IL17RA: variants seen among roughly 807,000 people sequenced by gnomAD.
The protein encoded by IL17RA is interleukin 17 receptor A.
A neutral mutation model predicts 50.4 loss-of-function variants in IL17RA; 34 were observed. The observed-to-expected ratio is 0.67, with a 90% CI of 0.51 to 0.90. IL17RA has a LOEUF of 0.90. Among genes scored for constraint, IL17RA ranks in the 40% least tolerant of loss-of-function variants. IL17RA has a pLI of 0.00. For missense variants in IL17RA, 1,276 were observed against 1,169.8 expected (o/e 1.09, Z -1.32); for synonymous variants, 585 against 510.4 (o/e 1.15, Z -1.97).
Position 17,113,007 on chromosome 22 carries a change from T to G in IL17RA, c.*3187T>G, listed in dbSNP as rs536506632. 137 of 152,000 alleles carry G rather than the reference T, an allele frequency of 9.0e-4. 1 individual carries two copies. The highest frequency in any genetic ancestry group is 3.2e-3 in the African/African-American group (133 of 41,540). The allele number at this position is 152,000 out of a possible 1,614,324, so 9.4% of individuals were successfully genotyped here. A position where few individuals can be genotyped will look rare whatever the true frequency, so the allele number is the denominator to read the frequency against. ...GATCCTAGTTTTTTTTTTGTTTTTT[T>G]TTTTTTTAAGGAATAATTACTTTGA... is the stretch of plus-strand genomic sequence containing the variant. On this transcript the variant is annotated 3_prime_UTR_variant, in exon 13 of 13. Transcript: ENST00000319363.
At position 17,109,928 on chromosome 22, in the gene IL17RA, T is replaced by G. The variant is rs2061433796; in HGVS notation, c.*108T>G. 1 of 1,077,414 alleles carries G rather than the reference T, an allele frequency of 9.3e-7. No homozygotes were observed. Among genetic ancestry groups the G allele is most frequent in the Non-Finnish European group, 1.3e-6 (1 of 751,558 alleles). 66.7% of individuals were successfully genotyped at this position (1,077,414 alleles called of 1,614,324 possible). A position where few individuals can be genotyped will look rare whatever the true frequency, so the allele number is the denominator to read the frequency against. ...CATGTGTATATGTTCGTGTGTGAAA[T>G]GTAGGCTTTAAAATGTAAATGTCTG... On this transcript the variant is annotated 3_prime_UTR_variant, in exon 13 of 13. Coordinates refer to ENST00000319363, the MANE Select transcript of IL17RA (RefSeq NM_014339.7).
chr22:17,112,208 G>A lies in IL17RA; in HGVS notation c.*2388G>A, dbSNP rs2061446135. ...AGGAACCTTGAATTCTAGCTCTGCT[G>A]GCCTTTGAGCCCATGCCAGTAAATG... On this transcript the variant is annotated 3_prime_UTR_variant, in exon 13 of 13. Coordinates refer to ENST00000319363, the MANE Select transcript of IL17RA (RefSeq NM_014339.7). 1 of 152,214 alleles carries A rather than the reference G, an allele frequency of 6.6e-6. No homozygotes were observed. Among genetic ancestry groups the A allele is most frequent in the South Asian group, 2.1e-4 (1 of 4,826 alleles). 9.4% of individuals were successfully genotyped at this position (152,214 alleles called of 1,614,324 possible).
rs1205732513 is a variant in IL17RA, at chr22:17,099,025, C to G, written c.423+138C>G. The G allele has an allele frequency of 9.3e-6, 7 of 749,150 alleles. No individual in the cohort carries two copies. In the Admixed American group the frequency reaches 1.2e-4, roughly 13 times the overall value. The allele number at this position is 749,150 out of a possible 1,614,324, so 46.4% of individuals were successfully genotyped here. The stretch of plus-strand genomic sequence containing the variant: ...GAGTCTGTGGAATTCAGAATGGCAG[C>G]CTGAGATGGGCAGAAGTCAAAAGAG... On this transcript the variant is annotated intron_variant, in intron 4 of 12. Coordinates refer to ENST00000319363, the MANE Select transcript of IL17RA (RefSeq NM_014339.7).
chr22:17,109,673 G>T lies in IL17RA; in HGVS notation c.2454G>T (p.Glu818Asp). ...LTEMEEEEEE[E>D]QDPGKPALPL... ...AAATGGAGGAAGAGGAGGAAGAGGA[G>T]CAGGACCCAGGGAAGCCGGCCCTGC... is the stretch of plus-strand genomic sequence containing the variant. Residue 818 changes from glutamate (E) to aspartate (D), a missense_variant, in exon 13 of 13, where the codon GAG (glutamate) becomes GAT (aspartate). Physicochemically the swap from Glu to Asp is conservative, Grantham distance 45 (BLOSUM62 2). Coordinates refer to ENST00000319363, the MANE Select transcript of IL17RA (RefSeq NM_014339.7). 1 of 1,600,102 alleles carries T rather than the reference G, an allele frequency of 6.2e-7. No individual in the cohort carries two copies. The highest frequency in any genetic ancestry group is 8.5e-7 in the Non-Finnish European group (1 of 1,174,458).
intron 1 of IL17RA, among the ~76,000 whole-genome samples, chr22:17,086,220 C>T (rs184134031): frequency 4.6e-5 from 7 of 152,118 alleles, no homozygotes; most frequent in African/African-American, 7.2e-5. Context: ...GATCTTTCCT[C>T]CCCTCCACCT....
Position 17,098,808 on chromosome 22 carries a change from C to G in IL17RA, c.344C>G (p.Ser115Cys). 7 of 1,614,244 alleles carry G rather than the reference C, an allele frequency of 4.3e-6. No homozygotes were observed. Among genetic ancestry groups the G allele is most frequent in the Non-Finnish European group, 5.9e-6 (7 of 1,180,034 alleles). Reference sequence around the variant, plus strand: ...CTGTACCTCGAGGGTGCAGAGTTATCTGTCCTGCAGCTGAACACCAATGAA... The same window carrying G: ...CTGTACCTCGAGGGTGCAGAGTTATGTGTCCTGCAGCTGAACACCAATGAA... ...SILYLEGAEL[S>C]VLQLNTNERL... The change falls in exon 4 of 13, where the codon TCT becomes TGT. Residue 115 changes from serine to cysteine, a missense_variant. Transcript: ENST00000319363.
Position 17,108,379 on chromosome 22 carries a change from A to T in IL17RA, c.1160A>T (p.Asp387Val), listed in dbSNP as rs1456909210. 2 of 1,613,746 alleles carry T rather than the reference A, an allele frequency of 1.2e-6. No individual in the cohort carries two copies. Among genetic ancestry groups the T allele is most frequent in the East Asian group, 4.5e-5 (2 of 44,874 alleles). The change falls in exon 13 of 13, where the codon GAC becomes GTC. Residue 387 changes from aspartate (D) to valine (V), a missense_variant. Transcript: ENST00000319363. ...AAGGTCTGGATCATCTACTCAGCCGACCACCCCCTCTACGTGGACGTGGTC... is the reference window on the plus strand; with the variant it reads ...AAGGTCTGGATCATCTACTCAGCCGTCCACCCCCTCTACGTGGACGTGGTC... ...PRKVWIIYSA[D>V]HPLYVDVVLK...
chr22:17,086,160 A>C (rs1353148162), intron 1 of IL17RA, among the ~76,000 whole-genome samples: 1 of 151,470 alleles, frequency 6.6e-6, no homozygotes, highest in Non-Finnish European at 1.5e-5. Context: ...AAAGAGCAAA[A>C]CGCCGTGCCC....
At position 17,095,421 on chromosome 22, in the gene IL17RA, G is replaced by C. The variant is rs576893739; in HGVS notation, c.139-1641G>C. ...GCACCACTGGGAATCAACCAAGTGT[G>C]TTGTCAGACCCTTCCACTTTCCTTG... On this transcript the variant is annotated intron_variant, in intron 1 of 12. Transcript: ENST00000319363. Among the ~76,000 whole-genome samples, 112 of 152,290 alleles carry C rather than the reference G, an allele frequency of 7.4e-4. 1 individual carries two copies. Among genetic ancestry groups the C allele is most frequent in the Non-Finnish European group, 1.6e-4 (11 of 68,018 alleles).
rs1482627438 is a variant in IL17RA at position 17,097,807 on chromosome 22, G to A, written c.174G>A (p.Leu58=). The A allele has an allele frequency of 1.9e-6, 3 of 1,614,178 alleles. No individual in the cohort carries two copies. The South Asian group carries it at 3.3e-5, about 18-fold the overall frequency. Residue 58 remains leucine (L), a synonymous_variant, in exon 3 of 13, where the codon CTG becomes CTA. Transcript: ENST00000319363. ...LNCTVKNSTC[L]DDSWIHPRNL... is the part of the protein sequence containing the mutation. ...TTCCCTGGCTGCCAGGTACCTGCCT[G>A]GATGACAGCTGGATTCACCCTCGAA...
chr22:17,085,878 G>A (rs1335760336), intron 1 of IL17RA, among the ~76,000 whole-genome samples: 1 of 152,210 alleles, frequency 6.6e-6, no homozygotes, highest in Admixed American at 6.5e-5. Context: ...CATGTTTCGG[G>A]GAGAGCTCTG....
At chr22:17,091,346 T>G (rs1378137314) in intron 1 of IL17RA, among the ~76,000 whole-genome samples, 1 of 152,242 alleles carries the variant, frequency 6.6e-6, no homozygotes, top group East Asian at 1.9e-4. Flanking sequence ...AAGCATTGCT[T>G]TATTGCCTTC....
chr22:17,085,244 G>T lies in IL17RA; in HGVS notation c.138+15G>T. 4 of 1,538,098 alleles carry T rather than the reference G, an allele frequency of 2.6e-6. 1 individual carries two copies. In the South Asian group the frequency reaches 3.6e-5, roughly 14 times the overall value. ...GCTCCCAGCCGGTGAGACTCGACGT[G>T]GGGAGCGGTAGCCGCCAGGATGCTG... On this transcript the variant is annotated intron_variant, in intron 1 of 12. Coordinates refer to ENST00000319363, the MANE Select transcript of IL17RA (RefSeq NM_014339.7).
chr22:17,097,022 C>G (rs1269396466), intron 1 of IL17RA, 40 bp from the exon 2 acceptor site: 1 of 1,602,462 alleles, frequency 6.2e-7, no homozygotes, highest in East Asian at 2.2e-5. Context: ...TGAATTCAAG[C>G]CTTTTCCCAG....
intron 1 of IL17RA, among the ~76,000 whole-genome samples, chr22:17,089,527 C>T (rs1467877095): frequency 6.6e-6 from 1 of 152,112 alleles, no homozygotes; most frequent in Non-Finnish European, 1.5e-5. Flanking sequence ...CTGCAAGATG[C>T]CTCACGTAAT....
chr22:17,092,050 C>T (rs1329931946), intron 1 of IL17RA, among the ~76,000 whole-genome samples: 2 of 152,216 alleles, frequency 1.3e-5, no homozygotes, highest in South Asian at 2.1e-4. Context: ...AGGGCTGGGA[C>T]GTTTAGCCCC....
rs754755249 is a variant in IL17RA at position 17,098,827 on chromosome 22, C to G, written c.363C>G (p.Thr121=). 6.2e-7 allele frequency: 1 copy of G among 1,614,228 alleles called. No individual in the cohort carries two copies. Among genetic ancestry groups the G allele is most frequent in the South Asian group, 1.1e-5 (1 of 91,088 alleles). Residue 121 remains threonine (T), a synonymous_variant, in exon 4 of 13, where the codon ACC becomes ACG. Coordinates refer to ENST00000319363, the MANE Select transcript of IL17RA (RefSeq NM_014339.7). ...GAELSVLQLN[T]NERLCVRFEF... The stretch of plus-strand genomic sequence containing the variant: ...AGTTATCTGTCCTGCAGCTGAACAC[C>G]AATGAACGTTTGTGCGTCAGGTTTG...
Position 17,103,812 on chromosome 22 carries a change from G to A in IL17RA, c.846+235G>A, listed in dbSNP as rs573866632. ...AGTGGTGTGGACGGGAGTGGGGAGC[G>A]TGCACAGGTGGAGAGAGTGGTGTGG... On this transcript the variant is annotated intron_variant, in intron 8 of 12. Transcript: ENST00000319363. 4.0e-3 allele frequency among the ~76,000 whole-genome samples: 576 copies of A among 144,948 alleles called. 2 individuals carry two copies. The highest frequency in any genetic ancestry group is 0.014 in the African/African-American group (540 of 38,866).
intron 5 of IL17RA, among the ~76,000 whole-genome samples, chr22:17,101,760 A>G (rs1341995313): frequency 6.6e-6 from 1 of 152,212 alleles, no homozygotes; most frequent in East Asian, 1.9e-4. Flanking sequence ...TTGGTCACCC[A>G]CAGCAAGCTC....
Sources: gnomAD v4.1 joint callset for allele counts (sites outside exome capture counted in the v4.1 genomes callset) on GRCh38, gnomAD v4.1.1 for gene constraint, MANE v1.5 for transcripts, NCBI Gene and HGNC (gene_info 2026-07-23, HGNC 2026-07-21) for gene names.